Variants in ARK2C observed in about 807,000 individuals in gnomAD.
ARK2C encodes the protein E3 ubiquitin-protein ligase ARK2C.
chr18:46,393,855 T>A, the ARK2C span, among the ~76,000 whole-genome samples: 1 of 152,262 alleles, frequency 6.6e-6, no homozygotes, highest in Non-Finnish European at 1.5e-5. Context: ...TGGGTTCAAA[T>A]CTTGCCTCTG....
At chr18:46,364,204 T>C in the ARK2C span, among the ~76,000 whole-genome samples, 1 of 151,976 alleles carries the variant, frequency 6.6e-6, no homozygotes, top group South Asian at 2.1e-4. Flanking sequence ...AGCCTCAGCC[T>C]CCCAAAGTGC....
At chr18:46,414,705 G>A in the ARK2C span, among the ~76,000 whole-genome samples, 3 of 152,076 alleles carry the variant, frequency 2.0e-5, no homozygotes, top group African/African-American at 7.2e-5. Flanking sequence ...CATACACACA[G>A]CCTTGAGACT....
the ARK2C span, chr18:46,461,241 G>T: frequency 1.3e-5 from 2 of 152,310 alleles, no homozygotes; most frequent in African/African-American, 4.8e-5. Flanking sequence ...GGTGGGGTGA[G>T]TGAGGAGAAC....
the ARK2C span, among the ~76,000 whole-genome samples, chr18:46,348,211 C>T: frequency 7.8e-5 from 3 of 38,418 alleles, no homozygotes; most frequent in African/African-American, 2.1e-4. Flanking sequence ...GGGGTGAGGG[C>T]GTTGTGGGCC....
the ARK2C span, among the ~76,000 whole-genome samples, chr18:46,369,897 A>G: frequency 6.6e-6 from 1 of 152,204 alleles, no homozygotes; most frequent in Admixed American, 6.5e-5. Context: ...GCTATAAATT[A>G]ACACCAAGAA....
At chr18:46,453,634 A>G in the ARK2C span, among the ~76,000 whole-genome samples, 1 of 152,124 alleles carries the variant, frequency 6.6e-6, no homozygotes, top group Non-Finnish European at 1.5e-5. Context: ...CACAAGTGAA[A>G]AAGACAATAA....
At chr18:46,337,684 T>C in the ARK2C span, 1 of 863,578 alleles carries the variant, frequency 1.2e-6, no homozygotes, top group Admixed American at 6.2e-5. Context: ...TGTTTTCCCA[T>C]TTATTGTCGT....
chr18:46,373,971 C>T, the ARK2C span, among the ~76,000 whole-genome samples: 2 of 152,142 alleles, frequency 1.3e-5, no homozygotes, highest in Admixed American at 6.5e-5. Flanking sequence ...GGCACCCATG[C>T]TGTGGTTCCC....
chr18:46,351,546 C>G, the ARK2C span, among the ~76,000 whole-genome samples: 7 of 152,246 alleles, frequency 4.6e-5, no homozygotes, highest in Non-Finnish European at 1.0e-4. Context: ...CCCTCAGCAG[C>G]CCAGCCCCTT....
chr18:46,379,984 G>A, the ARK2C span, among the ~76,000 whole-genome samples: 6 of 152,208 alleles, frequency 3.9e-5, no homozygotes, highest in Non-Finnish European at 5.9e-5. Flanking sequence ...GAGAAGAGAT[G>A]AGGCTCCAAA....
chr18:46,441,781 G>C, the ARK2C span, among the ~76,000 whole-genome samples: 1 of 149,482 alleles, frequency 6.7e-6, no homozygotes, highest in South Asian at 2.1e-4. Flanking sequence ...CCAGCTACTC[G>C]GGAGGCTGAG....
At chr18:46,378,484 T>G in the ARK2C span, among the ~76,000 whole-genome samples, 511 of 152,306 alleles carry the variant, frequency 3.4e-3, 3 homozygotes, top group African/African-American at 0.012. Flanking sequence ...CACCGCTTTC[T>G]GTAAGTCACC....
At chr18:46,336,322 C>G in the ARK2C span, 4 of 985,146 alleles carry the variant, frequency 4.1e-6, no homozygotes, top group Non-Finnish European at 4.8e-6. Context: ...TTTTGAAATT[C>G]AAATTGCTCA....
the ARK2C span, among the ~76,000 whole-genome samples, chr18:46,347,928 C>A: frequency 6.6e-6 from 1 of 152,100 alleles, no homozygotes; most frequent in Non-Finnish European, 1.5e-5. Flanking sequence ...AGGCCCCGTG[C>A]AGGCATGGGG....
chr18:46,417,769 C>T, the ARK2C span, among the ~76,000 whole-genome samples: 1 of 152,248 alleles, frequency 6.6e-6, no homozygotes, highest in Non-Finnish European at 1.5e-5. Flanking sequence ...TTTGAGAGGC[C>T]GAGGCAGGTG....
At chr18:46,361,393 G>A in the ARK2C span, among the ~76,000 whole-genome samples, 1 of 152,028 alleles carries the variant, frequency 6.6e-6, no homozygotes, top group Non-Finnish European at 1.5e-5. Flanking sequence ...TATCTGTGTC[G>A]ATCTGCTGTA....
the ARK2C span, among the ~76,000 whole-genome samples, chr18:46,367,365 G>A: frequency 7.1e-4 from 108 of 152,214 alleles, no homozygotes; most frequent in African/African-American, 2.5e-3. Flanking sequence ...ACAAATTGGA[G>A]GATTGCATTT....
At chr18:46,406,424 G>C in the ARK2C span, among the ~76,000 whole-genome samples, 1 of 152,240 alleles carries the variant, frequency 6.6e-6, no homozygotes, top group African/African-American at 2.4e-5. Flanking sequence ...AGGACTGGAA[G>C]CCCTTCTGGT....
At chr18:46,381,385 C>T in the ARK2C span, among the ~76,000 whole-genome samples, 1 of 152,208 alleles carries the variant, frequency 6.6e-6, no homozygotes, top group African/African-American at 2.4e-5. Context: ...CTTCCTGGGC[C>T]TCACCTCTGC....
Sources: allele counts gnomAD v4.1 joint callset (sites outside exome capture counted in the v4.1 genomes callset), GRCh38; gene constraint gnomAD v4.1.1; transcripts MANE v1.5; gene names NCBI Gene and HGNC (gene_info 2026-07-23, HGNC 2026-07-21).